The following TENM2 variants were observed in gnomAD, a reference collection of about 807,000 sequenced individuals.
The protein encoded by TENM2 is teneurin transmembrane protein 2, also known as teneurin-2.
Under a neutral mutation model 245.2 loss-of-function variants are expected in TENM2, and 52 were observed. The ratio of observed to expected loss-of-function variants is 0.21; its 90% confidence interval spans 0.17 to 0.27. The LOEUF (loss-of-function observed/expected upper bound fraction) is 0.27. Among genes scored for constraint, TENM2 ranks in the 10% least tolerant of loss-of-function variants. The pLI, the probability that TENM2 is intolerant of heterozygous loss-of-function variation, is 1.00. For synonymous variants in TENM2, 1,363 were observed against 1,438.9 expected (o/e 0.95, Z 1.19); for missense variants, 3,046 against 3,666.8 (o/e 0.83, Z 4.37).
intron 2 of TENM2, among the ~76,000 whole-genome samples, chr5:167,451,648 GA>G (rs1765589852): frequency 7.1e-6 from 1 of 141,672 alleles, no homozygotes; most frequent in African/African-American, 2.5e-5. Context: ...TATAGCAACT[GA>G]TTTTTTTTTT....
At chr5:167,842,580 C>CA (rs1160974467) in intron 2 of TENM2, among the ~76,000 whole-genome samples, 5,741 of 45,034 alleles carry the variant, frequency 0.13, 1,187 homozygotes, top group Non-Finnish European at 0.25. Flanking sequence ...GACTCCATGT[C>CA]AAAAAAAAAA....
At chr5:167,519,139 T>G (rs772834824) in intron 2 of TENM2, among the ~76,000 whole-genome samples, 6 of 152,190 alleles carry the variant, frequency 3.9e-5, no homozygotes, top group Non-Finnish European at 8.8e-5. Context: ...TCTAACACTC[T>G]GTAACAAACA....
intron 4 of TENM2, among the ~76,000 whole-genome samples, chr5:167,992,421 C>T (rs1220639471): frequency 1.3e-5 from 2 of 152,108 alleles, no homozygotes; most frequent in African/African-American, 4.8e-5. Context: ...TAGCTCTATC[C>T]ATGTTCCTGC....
the TENM2 span, among the ~76,000 whole-genome samples, chr5:167,096,105 G>T: frequency 6.6e-6 from 1 of 151,952 alleles, no homozygotes; most frequent in East Asian, 1.9e-4. Flanking sequence ...TGTTGTGTTT[G>T]TGTGTTTCAT....
intron 2 of TENM2, among the ~76,000 whole-genome samples, chr5:167,707,939 C>T (rs935263120): frequency 2.6e-5 from 4 of 152,094 alleles, no homozygotes; most frequent in African/African-American, 9.7e-5. Flanking sequence ...GTATGGTTTA[C>T]CAAGGTGAAA....
At chr5:168,144,120 A>G (rs1417872606) in intron 12 of TENM2, among the ~76,000 whole-genome samples, 1 of 151,858 alleles carries the variant, frequency 6.6e-6, no homozygotes, top group Non-Finnish European at 1.5e-5. Flanking sequence ...CGGCCTCCCA[A>G]AGTCCTGGGA....
At chr5:167,819,298 G>A in intron 2 of TENM2, among the ~76,000 whole-genome samples, 1 of 152,018 alleles carries the variant, frequency 6.6e-6, no homozygotes, top group East Asian at 1.9e-4. Context: ...TATCTAAGTT[G>A]GGTTGGACAA....
chr5:167,096,192 A>C, the TENM2 span, among the ~76,000 whole-genome samples: 1 of 152,222 alleles, frequency 6.6e-6, no homozygotes, highest in Admixed American at 6.5e-5. Flanking sequence ...ACGTGTATAC[A>C]TTATGGAATA....
chr5:167,015,037 C>G, the TENM2 span, among the ~76,000 whole-genome samples: 1 of 152,246 alleles, frequency 6.6e-6, no homozygotes, highest in East Asian at 1.9e-4. Flanking sequence ...AGAAGGCTTT[C>G]TTGGGTGCAG....
At chr5:167,716,349 G>A (rs1198743676) in intron 2 of TENM2, among the ~76,000 whole-genome samples, 2 of 152,256 alleles carry the variant, frequency 1.3e-5, no homozygotes, top group East Asian at 3.9e-4. Flanking sequence ...CCCAGTTCTC[G>A]CTGTTGCATC....
chr5:167,368,957 A>G (rs1760231651), intron 1 of TENM2, among the ~76,000 whole-genome samples: 1 of 152,146 alleles, frequency 6.6e-6, no homozygotes, highest in African/African-American at 2.4e-5. Flanking sequence ...GCTGGGGATA[A>G]AAGTCCGGGA....
intron 2 of TENM2, among the ~76,000 whole-genome samples, chr5:167,711,113 G>A (rs887759547): frequency 1.3e-5 from 2 of 152,096 alleles, no homozygotes; most frequent in Non-Finnish European, 2.9e-5. Context: ...CTGGCCAAAG[G>A]TTCAAAACTA....
the TENM2 span, among the ~76,000 whole-genome samples, chr5:167,067,131 G>C: frequency 6.6e-6 from 1 of 152,042 alleles, no homozygotes; most frequent in Non-Finnish European, 1.5e-5. Flanking sequence ...TATAAAATTG[G>C]TCTCGTATTT....
At chr5:167,224,518 G>T in the TENM2 span, among the ~76,000 whole-genome samples, 1 of 152,018 alleles carries the variant, frequency 6.6e-6, no homozygotes, top group African/African-American at 2.4e-5. Context: ...GCTTATTTCT[G>T]CATTTTCTAC....
At chr5:167,409,324 A>G (rs1313841127) in intron 2 of TENM2, among the ~76,000 whole-genome samples, 1 of 152,014 alleles carries the variant, frequency 6.6e-6, no homozygotes, top group African/African-American at 2.4e-5. Flanking sequence ...ACTCAAGAAA[A>G]TGTGATGAGA....
chr5:166,993,455 G>C, the TENM2 span, among the ~76,000 whole-genome samples: 7,739 of 152,166 alleles, frequency 0.051, 353 homozygotes, highest in Middle Eastern at 0.16. Context: ...CAGCCCGAAA[G>C]AGCTTCTTGA....
chr5:167,792,753 C>A (rs1765070328), intron 2 of TENM2, among the ~76,000 whole-genome samples: 1 of 149,812 alleles, frequency 6.7e-6, no homozygotes, highest in South Asian at 2.1e-4. Flanking sequence ...AAAAAGGTGA[C>A]TCATTTTTAC....
chr5:167,893,276 C>T (rs947901918), intron 3 of TENM2, among the ~76,000 whole-genome samples: 5 of 152,140 alleles, frequency 3.3e-5, no homozygotes, highest in Non-Finnish European at 5.9e-5. Flanking sequence ...TTTAAATATG[C>T]ATATTTCCAT....
chr5:167,301,278 T>A (rs1755312285), intron 1 of TENM2, among the ~76,000 whole-genome samples: 1 of 152,186 alleles, frequency 6.6e-6, no homozygotes, highest in South Asian at 2.1e-4. Context: ...CCCACACAGA[T>A]GGGACATGGC....
Sources: allele counts gnomAD v4.1 joint callset (sites outside exome capture counted in the v4.1 genomes callset), GRCh38; gene constraint gnomAD v4.1.1; transcripts MANE v1.5; gene names NCBI Gene and HGNC (gene_info 2026-07-23, HGNC 2026-07-21).